NFIB: variants seen among roughly 807,000 people sequenced by gnomAD.
NFIB encodes nuclear factor 1 B-type.
A neutral mutation model predicts 61.5 loss-of-function variants in NFIB; 11 were observed. That is an observed-to-expected ratio of 0.18 (90% CI 0.11 to 0.30). The LOEUF (loss-of-function observed/expected upper bound fraction) is 0.30, where lower values mean the gene tolerates loss of function less well. Ranked by LOEUF, NFIB falls within the 10% of genes least tolerant of loss-of-function variation. The pLI is 1.00. For missense variants in NFIB, 471 were observed against 608.9 expected (o/e 0.77, Z 2.38); for synonymous variants, 260 against 216.5 (o/e 1.20, Z -1.76).
chr9:14,504,237 G>A, the NFIB span, among the ~76,000 whole-genome samples: 1 of 152,190 alleles, frequency 6.6e-6, no homozygotes, highest in Non-Finnish European at 1.5e-5. Flanking sequence ...TGGCCTTATA[G>A]TATAGTTTGA....
intron 3 of NFIB, among the ~76,000 whole-genome samples, chr9:14,175,410 G>A (rs557700678): frequency 5.9e-5 from 9 of 152,084 alleles, no homozygotes; most frequent in East Asian, 1.9e-4. Context: ...TCCTGACCTC[G>A]TGATCCACTC....
At chr9:14,343,739 G>C (rs898330686) in intron 1 of NFIB, among the ~76,000 whole-genome samples, 2 of 149,928 alleles carry the variant, frequency 1.3e-5, no homozygotes, top group Non-Finnish European at 1.5e-5. Context: ...CTGGCCACAA[G>C]AGAGAGGGAG....
chr9:14,362,425 T>A (rs2061251842), intron 1 of NFIB: 1 of 152,202 alleles, frequency 6.6e-6, no homozygotes, highest in Non-Finnish European at 1.5e-5. Context: ...AGCATTTCCA[T>A]CCACAGAAAC....
intron 1 of NFIB, among the ~76,000 whole-genome samples, chr9:14,375,803 T>C (rs967565403): frequency 2.0e-4 from 30 of 151,824 alleles, no homozygotes; most frequent in Non-Finnish European, 2.6e-4. Context: ...GAAGTCAGAG[T>C]TCTGTTACTA....
chr9:14,367,407 C>T (rs181538208), intron 1 of NFIB, among the ~76,000 whole-genome samples: 1 of 151,524 alleles, frequency 6.6e-6, no homozygotes, highest in Non-Finnish European at 1.5e-5. Flanking sequence ...GGAAGACATG[C>T]CAAGCAGAGG....
intron 2 of NFIB, among the ~76,000 whole-genome samples, chr9:14,187,231 T>C (rs1466198765): frequency 6.6e-6 from 1 of 151,250 alleles, no homozygotes; most frequent in South Asian, 2.1e-4. Flanking sequence ...ATGGAATCCC[T>C]GATCTTGTTT....
At chr9:14,222,795 C>CAAAAAACA (rs2051846623) in intron 2 of NFIB, among the ~76,000 whole-genome samples, 1 of 86,770 alleles carries the variant, frequency 1.2e-5, no homozygotes, top group Non-Finnish European at 2.1e-5. Context: ...GATCCTGTCT[C>CAAAAAACA]AAAAAAAAAA....
chr9:14,278,433 T>A (rs7043220), intron 2 of NFIB, among the ~76,000 whole-genome samples: 14,681 of 152,250 alleles, frequency 0.096, 959 homozygotes, highest in Middle Eastern at 0.17. Flanking sequence ...CAGTCTTATT[T>A]TGCACCTCCA....
intron 1 of NFIB, among the ~76,000 whole-genome samples, chr9:14,387,961 C>T (rs1366523750): frequency 6.6e-6 from 1 of 152,138 alleles, no homozygotes; most frequent in Non-Finnish European, 1.5e-5. Context: ...TTCTACCCAA[C>T]TGTGAGGCAC....
At chr9:14,456,725 A>G in the NFIB span, among the ~76,000 whole-genome samples, 1 of 152,152 alleles carries the variant, frequency 6.6e-6, no homozygotes, top group Non-Finnish European at 1.5e-5. Flanking sequence ...TGGCAAATGG[A>G]AGCACTTCCG....
chr9:14,350,806 A>G (rs545375972), intron 1 of NFIB, among the ~76,000 whole-genome samples: 1 of 152,284 alleles, frequency 6.6e-6, no homozygotes, highest in Non-Finnish European at 1.5e-5. Flanking sequence ...GGCCTTGGGA[A>G]AGGGCCTCCC....
chr9:14,349,861 C>T (rs2061083852), intron 1 of NFIB, among the ~76,000 whole-genome samples: 2 of 152,312 alleles, frequency 1.3e-5, no homozygotes, highest in Admixed American at 1.3e-4. Context: ...AGTCCCCCGC[C>T]TCCCTTAAAA....
intron 2 of NFIB, among the ~76,000 whole-genome samples, chr9:14,290,107 T>C (rs903110530): frequency 6.6e-6 from 1 of 152,102 alleles, no homozygotes; most frequent in African/African-American, 2.4e-5. Flanking sequence ...AGGAAATTTA[T>C]ACAAGAATCT....
chr9:14,369,463 G>C (rs567858400), intron 1 of NFIB, among the ~76,000 whole-genome samples: 1 of 152,202 alleles, frequency 6.6e-6, no homozygotes, highest in Admixed American at 6.5e-5. Context: ...CTGGAGCCAT[G>C]GTTCCATGTT....
chr9:14,347,940 C>G (rs918913809), intron 1 of NFIB, among the ~76,000 whole-genome samples: 1 of 152,286 alleles, frequency 6.6e-6, no homozygotes, highest in Non-Finnish European at 1.5e-5. Flanking sequence ...TCGCGTCGCA[C>G]GCGGTGTCTG....
intron 2 of NFIB, among the ~76,000 whole-genome samples, chr9:14,188,509 CT>C (rs370747986): frequency 5.9e-5 from 9 of 152,290 alleles, no homozygotes; most frequent in African/African-American, 2.2e-4. Flanking sequence ...CAAAACATTT[CT>C]TTTCGAATTT....
intron 3 of NFIB, among the ~76,000 whole-genome samples, chr9:14,158,717 T>C (rs2043768071): frequency 6.6e-6 from 1 of 152,232 alleles, no homozygotes; most frequent in South Asian, 2.1e-4. Flanking sequence ...CTAACCTCTG[T>C]TATTCCCTAG....
chr9:14,282,022 G>A (rs367761587), intron 2 of NFIB, among the ~76,000 whole-genome samples: 3 of 152,126 alleles, frequency 2.0e-5, no homozygotes, highest in African/African-American at 7.2e-5. Flanking sequence ...TTTGTGGTAA[G>A]TGTTCATTCT....
intron 2 of NFIB, among the ~76,000 whole-genome samples, chr9:14,301,550 C>T (rs1194988685): frequency 6.6e-6 from 1 of 152,074 alleles, no homozygotes; most frequent in East Asian, 1.9e-4. Flanking sequence ...ATTGATGTAA[C>T]AAATAAGCGT....
Sources: gnomAD v4.1 joint callset for allele counts (sites outside exome capture counted in the v4.1 genomes callset) on GRCh38, gnomAD v4.1.1 for gene constraint, MANE v1.5 for transcripts, NCBI Gene and HGNC (gene_info 2026-07-23, HGNC 2026-07-21) for gene names.